Variants in IPCEF1 observed in about 807,000 individuals in gnomAD.
IPCEF1 encodes interactor protein for cytohesin exchange factors 1.
IPCEF1 carries 31 observed loss-of-function variants against 50.9 expected under a neutral mutation model. The ratio of observed to expected loss-of-function variants is 0.61; its 90% confidence interval spans 0.46 to 0.82. IPCEF1 has a LOEUF of 0.82. Ranked by LOEUF, IPCEF1 falls within the 40% of genes least tolerant of loss-of-function variation. The pLI is 0.00. For missense variants in IPCEF1, 458 were observed against 514.0 expected, an observed-to-expected ratio of 0.89 and a Z score of 1.05; for synonymous variants, 181 against 192.0, an observed-to-expected ratio of 0.94 and a Z score of 0.47.
At chr6:154,347,841 G>T (rs1413544177) in intron 1 of IPCEF1, among the ~76,000 whole-genome samples, 1 of 152,136 alleles carries the variant, frequency 6.6e-6, no homozygotes, top group Non-Finnish European at 1.5e-5. Context: ...ACAGTGGTTT[G>T]GTGCTCAATG....
intron 1 of IPCEF1, among the ~76,000 whole-genome samples, chr6:154,292,672 C>G (rs1440610618): frequency 1.3e-5 from 2 of 152,096 alleles, no homozygotes; most frequent in African/African-American, 4.8e-5. Context: ...CCTTACAGTT[C>G]TTATTTTGTT....
In IPCEF1 at chr6:154,169,291, G is replaced by A. The variant is rs371200089; in HGVS notation, c.911-1178C>T. ...CACGAGAATCACTTGAGCCTGGGAG[G>A]TGGAGGTTGCAGTGAGCTGAGATCA... On this transcript the variant is annotated intron_variant, in intron 10 of 11. Transcript: ENST00000367220. Among the ~76,000 whole-genome samples the A allele has an allele frequency of 3.9e-5, 6 of 152,238 alleles. 1 individual carries two copies. The highest frequency in any genetic ancestry group is 1.4e-4 in the African/African-American group (6 of 41,544).
At chr6:154,347,990 G>A (rs1203797751) in intron 1 of IPCEF1, among the ~76,000 whole-genome samples, 1 of 152,088 alleles carries the variant, frequency 6.6e-6, no homozygotes, top group Non-Finnish European at 1.5e-5. Context: ...ATGCCAACTT[G>A]AAAGCAAAGT....
chr6:154,353,765 G>GC (rs1340031480), intron 1 of IPCEF1, among the ~76,000 whole-genome samples: 1 of 152,086 alleles, frequency 6.6e-6, no homozygotes, highest in East Asian at 1.9e-4. Context: ...CCCAAATCTT[G>GC]CTTCTCTGCA....
chr6:154,323,490 T>C (rs1783442916), intron 1 of IPCEF1, among the ~76,000 whole-genome samples: 1 of 152,244 alleles, frequency 6.6e-6, no homozygotes, highest in Admixed American at 6.5e-5. Flanking sequence ...TTATTTAGTA[T>C]TTAGAAATAA....
At chr6:154,160,081 G>T in intron 11 of IPCEF1, 41 bp from the exon 12 acceptor site, 1 of 1,459,882 alleles carries the variant, frequency 6.8e-7, no homozygotes, top group Non-Finnish European at 9.5e-7. Flanking sequence ...TATGTTGAGA[G>T]TGTCTTAATT....
At chr6:154,210,389 T>C (rs1777868996) in intron 9 of IPCEF1, among the ~76,000 whole-genome samples, 1 of 152,148 alleles carries the variant, frequency 6.6e-6, no homozygotes, top group South Asian at 2.1e-4. Flanking sequence ...ATTTGTATGT[T>C]ACAGGTTAAA....
rs74781887 is a variant in IPCEF1 at position 154,275,479 on chromosome 6, A to G, written c.-17-9515T>C. ...TTTGCTTCACTCCAGCCGGTGGGGCAAGAGCTGATACAGTGCTCTAGAATG... is the reference window on the plus strand; with the variant it reads ...TTTGCTTCACTCCAGCCGGTGGGGCGAGAGCTGATACAGTGCTCTAGAATG... On this transcript the variant is annotated intron_variant, in intron 2 of 11. Coordinates refer to ENST00000367220, the MANE Select transcript of IPCEF1 (RefSeq NM_001130700.2). 6.7e-3 allele frequency among the ~76,000 whole-genome samples: 1,028 copies of G among 152,318 alleles called. 7 individuals carry two copies. The highest frequency in any genetic ancestry group is 0.024 in the African/African-American group (982 of 41,560).
intron 10 of IPCEF1, among the ~76,000 whole-genome samples, chr6:154,185,300 C>CA (rs1801241824): frequency 6.6e-6 from 1 of 152,140 alleles, no homozygotes; most frequent in East Asian, 1.9e-4. Flanking sequence ...CCTAAGTGTT[C>CA]AAACTGCCAA....
At chr6:154,197,916 A>T (rs1006727899) in intron 10 of IPCEF1, among the ~76,000 whole-genome samples, 4 of 152,170 alleles carry the variant, frequency 2.6e-5, no homozygotes, top group Non-Finnish European at 4.4e-5. Context: ...TAGATGTAGT[A>T]CTTTTTATTA....
At chr6:154,201,970 T>C (rs1455402534) in intron 9 of IPCEF1, among the ~76,000 whole-genome samples, 1 of 152,166 alleles carries the variant, frequency 6.6e-6, no homozygotes, top group Admixed American at 6.5e-5. Flanking sequence ...AAGAGCAAAC[T>C]AGGATCTTCT....
intron 11 of IPCEF1, among the ~76,000 whole-genome samples, chr6:154,164,867 A>G (rs1583681558): frequency 6.6e-6 from 1 of 152,216 alleles, no homozygotes; most frequent in African/African-American, 2.4e-5. Context: ...AAATATCTGT[A>G]TTTAGTGTAC....
intron 2 of IPCEF1, among the ~76,000 whole-genome samples, chr6:154,288,558 G>A (rs1782423970): frequency 6.6e-6 from 1 of 151,726 alleles, no homozygotes; most frequent in South Asian, 2.1e-4. Flanking sequence ...AGCTACCAGG[G>A]AGCCTGAGGC....
chr6:154,203,386 T>G (rs1777230630), intron 9 of IPCEF1, among the ~76,000 whole-genome samples: 1 of 152,176 alleles, frequency 6.6e-6, no homozygotes, highest in African/African-American at 2.4e-5. Context: ...GTGTATCAAC[T>G]TACACAGTTG....
chr6:154,268,701 C>T lies in IPCEF1; in HGVS notation c.-17-2737G>A, dbSNP rs1208554551. 3.9e-5 allele frequency among the ~76,000 whole-genome samples: 6 copies of T among 152,048 alleles called. No individual in the cohort carries two copies. In the East Asian group the frequency reaches 5.8e-4, roughly 15 times the overall value. ...CACCATCTGACCACGACCTCATCTC[C>T]GGCCCTTCCTTGGGTTGTTTCCGTA... On this transcript the variant is annotated intron_variant, in intron 2 of 11. Transcript: ENST00000367220.
intron 7 of IPCEF1, among the ~76,000 whole-genome samples, chr6:154,215,893 A>G (rs1216132224): frequency 5.3e-5 from 8 of 152,198 alleles, no homozygotes; most frequent in African/African-American, 1.9e-4. Context: ...CCTCAATAGT[A>G]TTTTGAGAAA....
chr6:154,269,310 T>C (rs1781844733), intron 2 of IPCEF1, among the ~76,000 whole-genome samples: 1 of 152,188 alleles, frequency 6.6e-6, no homozygotes, highest in Non-Finnish European at 1.5e-5. Context: ...GTTGATATCA[T>C]ACCTCCTTCG....
chr6:154,297,819 T>C lies in IPCEF1; in HGVS notation c.-61-8063A>G, dbSNP rs138420663. Among the ~76,000 whole-genome samples the C allele has an allele frequency of 3.0e-3, 461 of 152,318 alleles. 1 individual carries two copies. The highest frequency in any genetic ancestry group is 0.01 in the African/African-American group (426 of 41,572). Reference sequence around the variant, plus strand: ...ATGGACGGGGATGACAGCTAATATTTTGGCTGCTTGAGAAGTCACATTTAG... The same window carrying C: ...ATGGACGGGGATGACAGCTAATATTCTGGCTGCTTGAGAAGTCACATTTAG... On this transcript the variant is annotated intron_variant, in intron 1 of 11. Transcript: ENST00000367220.
chr6:154,178,291 T>TA lies in IPCEF1; in HGVS notation c.911-10179dup, dbSNP rs571288623. Among the ~76,000 whole-genome samples, 42 of 151,802 alleles carry TA rather than the reference T, an allele frequency of 2.8e-4. 1 individual carries two copies. The South Asian group carries it at 8.5e-3, about 31-fold the overall frequency. On this transcript the variant is annotated intron_variant, in intron 10 of 11. Transcript: ENST00000367220. ...TATCCTAGAACTTAAAGTATAATAA[T>TA]AAAAAAAATTATATTAAAATTACAT...
Sources: gnomAD v4.1 joint callset for allele counts (sites outside exome capture counted in the v4.1 genomes callset) on GRCh38, gnomAD v4.1.1 for gene constraint, MANE v1.5 for transcripts, NCBI Gene and HGNC (gene_info 2026-07-23, HGNC 2026-07-21) for gene names.